The following UBXN8 variants were observed in gnomAD, a reference collection of about 807,000 sequenced individuals.
The protein encoded by UBXN8 is UBX domain protein 8.
Under a neutral mutation model 32.1 loss-of-function variants are expected in UBXN8, and 27 were observed. The observed-to-expected ratio is 0.84, with a 90% CI of 0.62 to 1.16. The LOEUF (loss-of-function observed/expected upper bound fraction) is 1.16. UBXN8 is among the 50% of genes most tolerant of loss of function. The pLI is 0.00. For missense variants in UBXN8, 306 were observed against 311.4 expected, an observed-to-expected ratio of 0.98 and a Z score of 0.13; for synonymous variants, 109 against 111.8, an observed-to-expected ratio of 0.98 and a Z score of 0.16.
chr8:30,735,610 G>A (rs1805054069), intron 1 of UBXN8, among the ~76,000 whole-genome samples: 1 of 152,178 alleles, frequency 6.6e-6, no homozygotes, highest in African/African-American at 2.4e-5. Flanking sequence ...AGGCCAAGGT[G>A]GTTGGATCAC....
At position 30,756,848 on chromosome 8, in the gene UBXN8, T is replaced by C. The variant is rs1406193529; in HGVS notation, c.489T>C (p.Thr163=). 3 of 1,613,886 alleles carry C rather than the reference T, an allele frequency of 1.9e-6. No homozygotes were observed. The highest frequency in any genetic ancestry group is 1.7e-5 in the Admixed American group (1 of 59,980). ...AKSQNLPKPL[T]EFPSPAEQPT... is the part of the protein sequence containing the mutation. ...GCCAGAACTTGCCTAAACCTTTAAC[T>C]GAATTTCCGTCTCCTGCTGAACAGC... Residue 163 remains threonine, a synonymous_variant, in exon 5 of 8, where the codon ACT becomes ACC. Coordinates refer to ENST00000265616, the MANE Select transcript of UBXN8 (RefSeq NM_005671.4).
At chr8:30,737,071 A>C (rs1206142498) in intron 1 of UBXN8, among the ~76,000 whole-genome samples, 3 of 152,216 alleles carry the variant, frequency 2.0e-5, no homozygotes, top group Non-Finnish European at 4.4e-5. Context: ...TTTAATTTTC[A>C]TATATTTAGA....
At chr8:30,739,348 T>C (rs979467075), upstream of UBXN8, among the ~76,000 whole-genome samples, 68 of 144,504 alleles carry the variant, frequency 4.7e-4, 2 homozygotes, top group African/African-American at 1.6e-3. Context: ...ATCAAGACCA[T>C]CCTGGCTAAC....
chr8:30,750,505 GCT>G (rs1363005363), intron 1 of UBXN8, among the ~76,000 whole-genome samples: 1 of 152,030 alleles, frequency 6.6e-6, no homozygotes, highest in African/African-American at 2.4e-5. Flanking sequence ...GGGCACGGTG[GCT>G]CACGCTTGTA....
chr8:30,758,903 T>TTTTAGACGGAGTCTCACTTTGTTTG (rs1805748172), intron 5 of UBXN8, among the ~76,000 whole-genome samples: 1 of 143,410 alleles, frequency 7.0e-6, no homozygotes, highest in African/African-American at 2.6e-5. Context: ...TGTTTTTTTT[T>TTTTAGACGGAGTCTCACTTTGTTTG]TTTTTTTTGA....
intron 6 of UBXN8, among the ~76,000 whole-genome samples, chr8:30,761,140 T>C (rs956958107): frequency 6.6e-6 from 1 of 152,124 alleles, no homozygotes; most frequent in Non-Finnish European, 1.5e-5. Context: ...GCTCAAGTGA[T>C]CCACCCGCCT....
intron 5 of UBXN8, among the ~76,000 whole-genome samples, chr8:30,758,116 T>G (rs1805712219): frequency 6.6e-6 from 1 of 152,106 alleles, no homozygotes; most frequent in African/African-American, 2.4e-5. Context: ...CAGGATGGTC[T>G]CAATCTCCTG....
chr8:30,740,818 T>C (rs996203766), upstream of UBXN8, among the ~76,000 whole-genome samples: 1 of 152,162 alleles, frequency 6.6e-6, no homozygotes, highest in Non-Finnish European at 1.5e-5. Context: ...CCAGGAATTC[T>C]TACTCACGAA....
chr8:30,734,523 G>A (rs949128272), intron 1 of UBXN8, among the ~76,000 whole-genome samples: 21 of 152,122 alleles, frequency 1.4e-4, no homozygotes, highest in African/African-American at 4.3e-4. Context: ...TGGAGGGTAA[G>A]GTGAAAGGAT....
At chr8:30,751,288 A>C in intron 1 of UBXN8, 108 bp from the exon 2 acceptor site, 1 of 894,366 alleles carries the variant, frequency 1.1e-6, no homozygotes, top group Non-Finnish European at 1.6e-6. Flanking sequence ...CCAAGGCAGG[A>C]GGATCACGTG....
intron 5 of UBXN8, 23 bp from the exon 6 acceptor site, chr8:30,760,865 C>A (rs745360778): frequency 6.7e-7 from 1 of 1,496,972 alleles, no homozygotes; most frequent in Middle Eastern, 1.7e-4. Context: ...GTTTACATTC[C>A]TCTTACCAAT....
At chr8:30,743,288 T>C (rs994330419), upstream of UBXN8, among the ~76,000 whole-genome samples, 3 of 151,850 alleles carry the variant, frequency 2.0e-5, no homozygotes, top group Admixed American at 2.0e-4. Flanking sequence ...CCCGAATAGC[T>C]GGAATTACAG....
upstream of UBXN8, among the ~76,000 whole-genome samples, chr8:30,730,697 A>G (rs566809980): frequency 6.6e-5 from 10 of 152,252 alleles, no homozygotes; most frequent in Non-Finnish European, 1.5e-4. Context: ...GGAAAAGAAG[A>G]AAGTCCAGCA....
At chr8:30,748,785 C>T (rs974729153) in intron 1 of UBXN8, among the ~76,000 whole-genome samples, 1 of 152,144 alleles carries the variant, frequency 6.6e-6, no homozygotes, top group South Asian at 2.1e-4. Flanking sequence ...AGGTGATCCA[C>T]CCGCCTTGGC....
intron 3 of UBXN8, among the ~76,000 whole-genome samples, chr8:30,753,326 G>A (rs1345997701): frequency 1.3e-5 from 2 of 152,046 alleles, no homozygotes; most frequent in African/African-American, 4.8e-5. Flanking sequence ...GCGAAATCTC[G>A]GCTCACTGCA....
At position 30,766,529 on chromosome 8, in the gene UBXN8, G is replaced by A. The variant is rs1586110564; in HGVS notation, c.*135G>A. 9.1e-6 allele frequency: 8 copies of A among 881,928 alleles called. No individual in the cohort carries two copies. In the East Asian group the frequency reaches 1.4e-4, roughly 16 times the overall value. 54.6% of individuals were successfully genotyped at this position (881,928 alleles called of 1,614,324 possible). On this transcript the variant is annotated 3_prime_UTR_variant, in exon 8 of 8. Coordinates refer to ENST00000265616, the MANE Select transcript of UBXN8 (RefSeq NM_005671.4). ...GTAAACTTTGAACATTGATATCCAT[G>A]GGAATAGGATTAGAAAAGGATTGCT...
At chr8:30,730,218 C>T (rs2956000), upstream of UBXN8, among the ~76,000 whole-genome samples, 94,136 of 151,932 alleles carry the variant, frequency 0.62, 34,925 homozygotes, top group Non-Finnish European at 0.81. Context: ...GATACAAATG[C>T]CCTTGAGAGA....
intron 7 of UBXN8, 111 bp from the exon 8 acceptor site, chr8:30,766,116 T>G: frequency 9.0e-7 from 1 of 1,105,814 alleles, no homozygotes; most frequent in East Asian, 2.7e-5. Context: ...GTCTCATTAC[T>G]CCTAGGGATA....
At position 30,757,407 on chromosome 8, in the gene UBXN8, C is replaced by G. The variant is rs1307996545; in HGVS notation, c.528+520C>G. ...TCTACTAAAAATACAAAAAAATTAG[C>G]TGGGCGTGGTGGCAGGCACCTGTAA... On this transcript the variant is annotated intron_variant, in intron 5 of 7. Coordinates refer to ENST00000265616, the MANE Select transcript of UBXN8 (RefSeq NM_005671.4). Among the ~76,000 whole-genome samples, 4 of 150,940 alleles carry G rather than the reference C, an allele frequency of 2.7e-5. No individual in the cohort carries two copies. The South Asian group carries it at 6.3e-4, about 24-fold the overall frequency.
Sources: gnomAD v4.1 joint callset for allele counts (sites outside exome capture counted in the v4.1 genomes callset) on GRCh38, gnomAD v4.1.1 for gene constraint, MANE v1.5 for transcripts, NCBI Gene and HGNC (gene_info 2026-07-23, HGNC 2026-07-21) for gene names.